Variants in RBMS3 observed in about 807,000 individuals in gnomAD.
The protein encoded by RBMS3 is RNA binding motif single stranded interacting protein 3.
Under a neutral mutation model 66.8 loss-of-function variants are expected in RBMS3, and 27 were observed. The ratio of observed to expected loss-of-function variants is 0.40; its 90% confidence interval spans 0.30 to 0.56. The LOEUF (loss-of-function observed/expected upper bound fraction) is 0.56. RBMS3 is among the 20% of genes least tolerant of loss of function. The pLI is 0.40. For missense variants in RBMS3, 513 were observed against 549.5 expected, an observed-to-expected ratio of 0.93 and a Z score of 0.66; for synonymous variants, 188 against 183.0, an observed-to-expected ratio of 1.03 and a Z score of -0.22.
chr3:29,655,429 T>C (rs1354409631), intron 4 of RBMS3, among the ~76,000 whole-genome samples: 1 of 152,228 alleles, frequency 6.6e-6, no homozygotes, highest in East Asian at 1.9e-4. Context: ...TAAAGATGTT[T>C]CGGTTAAGGA....
intron 1 of RBMS3, among the ~76,000 whole-genome samples, chr3:29,345,301 T>C (rs1406527752): frequency 6.6e-6 from 1 of 152,246 alleles, no homozygotes; most frequent in Non-Finnish European, 1.5e-5. Flanking sequence ...TAAGAATGAA[T>C]AAATTGTCTC....
At chr3:29,417,561 A>T (rs541453235) in intron 1 of RBMS3, among the ~76,000 whole-genome samples, 3 of 152,296 alleles carry the variant, frequency 2.0e-5, no homozygotes, top group African/African-American at 7.2e-5. Context: ...ATCCCTTAGT[A>T]TGCTGTACCC....
At chr3:29,942,709 C>T (rs1260817293) in intron 11 of RBMS3, among the ~76,000 whole-genome samples, 2 of 151,704 alleles carry the variant, frequency 1.3e-5, no homozygotes, top group East Asian at 2.0e-4. Context: ...CTACATTATC[C>T]AGCTATTCAG....
intron 2 of RBMS3, among the ~76,000 whole-genome samples, chr3:29,467,599 T>A (rs1837202): frequency 6.6e-6 from 1 of 151,922 alleles, no homozygotes; most frequent in Non-Finnish European, 1.5e-5. Context: ...ACACTTTGAA[T>A]ACCAAATGTG....
At position 29,681,270 on chromosome 3, in the gene RBMS3, C is replaced by G. The variant is rs73052453; in HGVS notation, c.400-58450C>G. 9.1e-3 allele frequency among the ~76,000 whole-genome samples: 1,383 copies of G among 152,310 alleles called. 15 individuals are homozygous for G. The highest frequency in any genetic ancestry group is 0.015 in the Non-Finnish European group (1,015 of 68,030). On this transcript the variant is annotated intron_variant, in intron 4 of 14. Transcript: ENST00000383767. ...AATGTACAAAGAGAAAGCTAATCAG[C>G]TTCTTCTCCTACCAACACCTCCAAC... is the stretch of plus-strand genomic sequence containing the variant.
At chr3:29,563,359 A>G (rs1256754821) in intron 3 of RBMS3, among the ~76,000 whole-genome samples, 1 of 152,202 alleles carries the variant, frequency 6.6e-6, no homozygotes, top group East Asian at 1.9e-4. Context: ...TCTATTGTCA[A>G]TTACCTAAAA....
intron 4 of RBMS3, among the ~76,000 whole-genome samples, chr3:29,617,847 G>A (rs768986005): frequency 6.6e-6 from 1 of 152,188 alleles, no homozygotes; most frequent in Non-Finnish European, 1.5e-5. Context: ...AAACTGTGCT[G>A]TAGGTGTTGA....
At chr3:29,284,604 C>T (rs1342331573) in intron 1 of RBMS3, among the ~76,000 whole-genome samples, 1 of 152,034 alleles carries the variant, frequency 6.6e-6, no homozygotes, top group Non-Finnish European at 1.5e-5. Flanking sequence ...GCCTTCTCTG[C>T]TCCTATTATT....
At chr3:29,539,511 C>T (rs2045685038) in intron 3 of RBMS3, among the ~76,000 whole-genome samples, 1 of 152,166 alleles carries the variant, frequency 6.6e-6, no homozygotes, top group South Asian at 2.1e-4. Flanking sequence ...CAGCTTATTA[C>T]ATCTAATCTT....
chr3:29,386,040 A>G (rs1022442143), intron 1 of RBMS3, among the ~76,000 whole-genome samples: 4 of 152,168 alleles, frequency 2.6e-5, no homozygotes, highest in African/African-American at 9.7e-5. Flanking sequence ...CAATGTCTGT[A>G]TCCTTATACC....
intron 10 of RBMS3, among the ~76,000 whole-genome samples, chr3:29,920,794 C>A (rs138428188): frequency 0.036 from 5,217 of 144,140 alleles, 103 homozygotes; most frequent in African/African-American, 0.047. Flanking sequence ...GCTAACATGG[C>A]GAAACCCCGT....
chr3:29,778,144 A>G (rs557847621), intron 6 of RBMS3, among the ~76,000 whole-genome samples: 1 of 152,040 alleles, frequency 6.6e-6, no homozygotes, highest in East Asian at 1.9e-4. Context: ...ACAGAAATGT[A>G]TTAGTCCTGG....
intron 12 of RBMS3, among the ~76,000 whole-genome samples, chr3:29,959,219 G>A (rs1268318798): frequency 6.6e-6 from 1 of 152,186 alleles, no homozygotes; most frequent in Non-Finnish European, 1.5e-5. Context: ...TACTATGAGA[G>A]TTAGATGAGA....
intron 1 of RBMS3, among the ~76,000 whole-genome samples, chr3:29,361,732 A>T (rs2037602777): frequency 6.6e-6 from 1 of 152,134 alleles, no homozygotes; most frequent in African/African-American, 2.4e-5. Context: ...TATTTCTTGG[A>T]GGCTTTGCTT....
chr3:29,726,219 A>G (rs574972715), intron 4 of RBMS3, among the ~76,000 whole-genome samples: 1 of 152,198 alleles, frequency 6.6e-6, no homozygotes, highest in Non-Finnish European at 1.5e-5. Context: ...CAAAATAATA[A>G]GAGCTATTTA....
chr3:29,416,355 G>A (rs932452068), intron 1 of RBMS3, among the ~76,000 whole-genome samples: 1 of 121,162 alleles, frequency 8.3e-6, no homozygotes, highest in Non-Finnish European at 1.8e-5. Context: ...TAATCATTTT[G>A]TATTCTTCTC....
chr3:29,777,627 TA>T (rs2056472928), intron 6 of RBMS3, among the ~76,000 whole-genome samples: 1 of 151,916 alleles, frequency 6.6e-6, no homozygotes, highest in Non-Finnish European at 1.5e-5. Flanking sequence ...TTTTCATTTT[TA>T]TAAAGATTAA....
intron 1 of RBMS3, among the ~76,000 whole-genome samples, chr3:29,394,288 C>T (rs1368832977): frequency 6.6e-5 from 10 of 152,180 alleles, no homozygotes; most frequent in Admixed American, 2.0e-4. Flanking sequence ...TGCCCCACCC[C>T]GCAGGCAGTC....
intron 12 of RBMS3, among the ~76,000 whole-genome samples, chr3:29,961,441 G>C (rs1696436854): frequency 6.6e-6 from 1 of 152,116 alleles, no homozygotes; most frequent in South Asian, 2.1e-4. Flanking sequence ...TTCCAGAGTT[G>C]CTTCCACATT....
Sources: gnomAD v4.1 joint callset for allele counts (sites outside exome capture counted in the v4.1 genomes callset) on GRCh38, gnomAD v4.1.1 for gene constraint, MANE v1.5 for transcripts, NCBI Gene and HGNC (gene_info 2026-07-23, HGNC 2026-07-21) for gene names.